CHID1: variants seen among roughly 807,000 people sequenced by gnomAD.
The protein encoded by CHID1 is chitinase domain-containing protein 1.
CHID1 carries 44 observed loss-of-function variants against 55.4 expected under a neutral mutation model. That is an observed-to-expected ratio of 0.79 (90% CI 0.62 to 1.02). The LOEUF (loss-of-function observed/expected upper bound fraction) is 1.02, where lower values mean the gene tolerates loss of function less well. Ranked by LOEUF, CHID1 falls within the 50% of genes least tolerant of loss-of-function variation. CHID1 has a pLI of 0.00. For synonymous variants in CHID1, 216 were observed against 212.9 expected (o/e 1.01, Z -0.13); for missense variants, 491 against 515.3 (o/e 0.95, Z 0.46).
In CHID1 at chr11:868,468, G is replaced by C. The variant is rs1032162040; in HGVS notation, c.*1390C>G. On this transcript the variant is annotated 3_prime_UTR_variant, in exon 13 of 13. Coordinates refer to ENST00000323578, the MANE Select transcript of CHID1 (RefSeq NM_023947.4). ...GTTGCCCAGCGTTCCTCCCGCCACG[G>C]CTTTCCAAAGTACTGGGATTACAGG... 1 of 151,990 alleles carries C rather than the reference G, an allele frequency of 6.6e-6. No individual in the cohort carries two copies. The highest frequency in any genetic ancestry group is 2.4e-5 in the African/African-American group (1 of 41,348). The allele number at this position is 151,990 out of a possible 1,614,324, so 9.4% of individuals were successfully genotyped here. A position where few individuals can be genotyped will look rare whatever the true frequency, so the allele number is the denominator to read the frequency against.
At chr11:873,923 A>G (rs1483344602) in intron 10 of CHID1, among the ~76,000 whole-genome samples, 2 of 152,132 alleles carry the variant, frequency 1.3e-5, no homozygotes, top group Non-Finnish European at 2.9e-5. Context: ...AAACACACCG[A>G]GACGCGCCAC....
Position 870,464 on chromosome 11 carries a change from A to C in CHID1, c.995T>G (p.Met332Arg). 6.2e-7 allele frequency: 1 copy of C among 1,612,272 alleles called. No individual in the cohort carries two copies. Among genetic ancestry groups the C allele is most frequent in the African/African-American group, 1.3e-5 (1 of 75,016 alleles). The change falls in exon 11 of 13, where the codon ATG (methionine) becomes AGG (arginine). Residue 332 changes from methionine to arginine, a missense_variant. Transcript: ENST00000323578. ...CTCTGAGGCCTGGCTGTCCCACACC[A>C]TCCGGGGCCTGTGGTCCTTCAGTGT... ...IQTLKDHRPRMVWDSQASEHF... is the reference protein window; with the variant it reads ...IQTLKDHRPRRVWDSQASEHF...
intron 10 of CHID1, among the ~76,000 whole-genome samples, chr11:874,038 T>G (rs116528328): frequency 0.015 from 2,219 of 151,962 alleles, 26 homozygotes; most frequent in African/African-American, 0.029. Flanking sequence ...TGTGTGTGTG[T>G]GGGGGGCGTC....
chr11:873,831 T>C (rs1386931569), intron 10 of CHID1, among the ~76,000 whole-genome samples: 1 of 152,074 alleles, frequency 6.6e-6, no homozygotes. Context: ...TTTTATGGTA[T>C]GTGAATTTCA....
At chr11:908,124 G>C (rs1236813216) in intron 1 of CHID1, 1 of 152,190 alleles carries the variant, frequency 6.6e-6, no homozygotes, top group Non-Finnish European at 1.5e-5. Flanking sequence ...CCTGGAGCAA[G>C]ATCAACCAGT....
chr11:899,301 CAGG>C (rs1851625034), intron 7 of CHID1, 36 bp downstream of exon 7: 5 of 1,566,170 alleles, frequency 3.2e-6, no homozygotes, highest in Non-Finnish European at 4.3e-6. Flanking sequence ...ACACCAGGGC[CAGG>C]AGGAGGGCCA....
intron 1 of CHID1, among the ~76,000 whole-genome samples, chr11:905,797 CT>C (rs1320102462): frequency 2.0e-5 from 3 of 152,108 alleles, no homozygotes; most frequent in African/African-American, 7.2e-5. Flanking sequence ...GTGGAGAAGG[CT>C]TTTCCAGCTA....
intron 1 of CHID1, among the ~76,000 whole-genome samples, chr11:909,372 A>G (rs1027553429): frequency 6.6e-6 from 1 of 152,240 alleles, no homozygotes; most frequent in African/African-American, 2.4e-5. Context: ...GAAGAGGCAC[A>G]GGCCCCGACC....
chr11:873,497 GAGGA>G (rs1391999612), intron 10 of CHID1, among the ~76,000 whole-genome samples: 1 of 152,156 alleles, frequency 6.6e-6, no homozygotes, highest in Non-Finnish European at 1.5e-5. Context: ...GCCTGCCTGG[GAGGA>G]AGGAAGGGCC....
At chr11:882,003 CA>C (rs773102032) in intron 10 of CHID1, among the ~76,000 whole-genome samples, 1,325 of 55,376 alleles carry the variant, frequency 0.024, 14 homozygotes, top group African/African-American at 0.07. Context: ...GACCCTGTCT[CA>C]AAAAAAAAAA....
intron 7 of CHID1, among the ~76,000 whole-genome samples, chr11:898,940 C>T (rs867354108): frequency 6.6e-6 from 1 of 152,196 alleles, no homozygotes; most frequent in African/African-American, 2.4e-5. Flanking sequence ...AGGGACACCC[C>T]CAGGAAGGCT....
intron 1 of CHID1, among the ~76,000 whole-genome samples, chr11:910,271 G>A (rs975530549): frequency 1.3e-5 from 2 of 152,074 alleles, no homozygotes; most frequent in Non-Finnish European, 2.9e-5. Flanking sequence ...CCTTCACGGG[G>A]ACCGCGTGCC....
chr11:887,561 C>A lies in CHID1; in HGVS notation c.702-3392G>T, dbSNP rs142258615. On this transcript the variant is annotated intron_variant, in intron 8 of 12. Coordinates refer to ENST00000323578, the MANE Select transcript of CHID1 (RefSeq NM_023947.4). ...TGCTTCTGACTTGGGCCTTTGCTGC[C>A]CCTAGGACCATGGCCAGCAGGACTG... 2.0e-3 allele frequency among the ~76,000 whole-genome samples: 305 copies of A among 152,292 alleles called. 2 individuals carry two copies. Among genetic ancestry groups the A allele is most frequent in the African/African-American group, 7.1e-3 (295 of 41,556 alleles).
intron 1 of CHID1, among the ~76,000 whole-genome samples, chr11:907,407 GGAGGTGGAGTT>G (rs1852318201): frequency 1.3e-5 from 2 of 152,108 alleles, no homozygotes; most frequent in African/African-American, 4.8e-5. Context: ...TGTGAATCCA[GGAGGTGGAGTT>G]CGCAGTGAGC....
rs773875835 is a variant in CHID1 at position 904,730 on chromosome 11, G to A, written c.87C>T (p.Ala29=). 13 of 1,614,044 alleles carry A rather than the reference G, an allele frequency of 8.1e-6. No homozygotes were observed. Among genetic ancestry groups the A allele is most frequent in the South Asian group, 2.2e-5 (2 of 91,092 alleles). The stretch of plus-strand genomic sequence containing the variant: ...CCTTCTCCAGCAGCGTCTTTGAGGC[G>A]GCTTTTTTGGCATCTGACTTTGACA... The part of the protein sequence containing the change: ...TTLSKSDAKK[A]ASKTLLEKSQ... Residue 29 remains alanine, a synonymous_variant, in exon 2 of 13, where the codon GCC becomes GCT. Coordinates refer to ENST00000323578, the MANE Select transcript of CHID1 (RefSeq NM_023947.4).
rs1015387726 is a variant in CHID1, at chr11:884,281, G to A, written c.702-112C>T. On this transcript the variant is annotated intron_variant, in intron 8 of 12. Transcript: ENST00000323578. ...GGGACTTGGGTCACTTTTCCCAAGG[G>A]GAAAAGTGTTCTTCTGGGGTGGGGA... 5.4e-6 allele frequency: 4 copies of A among 734,946 alleles called. No individual in the cohort carries two copies. In the Admixed American group the frequency reaches 1.0e-4, roughly 19 times the overall value. 45.5% of individuals were successfully genotyped at this position (734,946 alleles called of 1,614,324 possible). A position where few individuals can be genotyped will look rare whatever the true frequency, so the allele number is the denominator to read the frequency against.
intron 4 of CHID1, among the ~76,000 whole-genome samples, chr11:901,489 G>T (rs552273278): frequency 1.3e-5 from 2 of 152,228 alleles, no homozygotes; most frequent in Non-Finnish European, 2.9e-5. Context: ...GCGCAGCCAC[G>T]TAAACTCGGG....
chr11:870,563 C>A, intron 10 of CHID1, 64 bp from the exon 11 acceptor site: 1 of 1,222,208 alleles, frequency 8.2e-7, no homozygotes, highest in South Asian at 1.3e-5. Context: ...ACCCTGTACC[C>A]CCAAAGGCTG....
chr11:896,078 A>C (rs1851255627), intron 7 of CHID1, among the ~76,000 whole-genome samples: 1 of 150,860 alleles, frequency 6.6e-6, no homozygotes, highest in South Asian at 2.1e-4. Context: ...CCGTCTCAGC[A>C]CCCGCAGCCT....
Sources: allele counts gnomAD v4.1 joint callset (sites outside exome capture counted in the v4.1 genomes callset), GRCh38; gene constraint gnomAD v4.1.1; transcripts MANE v1.5; gene names NCBI Gene and HGNC (gene_info 2026-07-23, HGNC 2026-07-21).